Variants in PPP1R14C observed in about 807,000 individuals in gnomAD.
PPP1R14C encodes protein phosphatase 1 regulatory subunit 14C.
Under a neutral mutation model 20.4 loss-of-function variants are expected in PPP1R14C, and 16 were observed. That is an observed-to-expected ratio of 0.78 (90% CI 0.53 to 1.19). The LOEUF (loss-of-function observed/expected upper bound fraction) is 1.19. PPP1R14C is among the 50% of genes most tolerant of loss of function. The pLI is 0.00. For missense variants in PPP1R14C, 211 were observed against 220.1 expected, an observed-to-expected ratio of 0.96 and a Z score of 0.26; for synonymous variants, 91 against 91.0, an observed-to-expected ratio of 1.00 and a Z score of 0.00.
At chr6:150,171,560 C>A (rs1777499298) in intron 1 of PPP1R14C, among the ~76,000 whole-genome samples, 1 of 152,220 alleles carries the variant, frequency 6.6e-6, no homozygotes, top group South Asian at 2.1e-4. Flanking sequence ...CACACAGAAT[C>A]TGTGATTGAC....
Position 150,175,301 on chromosome 6 carries a change from G to T in PPP1R14C, c.306+31803G>T, listed in dbSNP as rs183563162. Among the ~76,000 whole-genome samples the T allele has an allele frequency of 1.4e-4, 22 of 152,260 alleles. No individual in the cohort carries two copies. In the East Asian group the frequency reaches 3.3e-3, roughly 23 times the overall value. ...GTGGAGAAGGTGGTGGAGTTGGAAG[G>T]GGCCCCCACTCTGAGCTGGGTCTCT... is the stretch of plus-strand genomic sequence containing the variant. On this transcript the variant is annotated intron_variant, in intron 1 of 3. Coordinates refer to ENST00000361131, the MANE Select transcript of PPP1R14C (RefSeq NM_030949.3).
At chr6:150,149,377 G>A (rs1777217154) in intron 1 of PPP1R14C, among the ~76,000 whole-genome samples, 1 of 151,432 alleles carries the variant, frequency 6.6e-6, no homozygotes, top group Non-Finnish European at 1.5e-5. Context: ...GCTAGCTAGA[G>A]TGCAGTGGGG....
chr6:150,236,084 T>C (rs6936990), intron 3 of PPP1R14C, among the ~76,000 whole-genome samples: 26,538 of 152,084 alleles, frequency 0.17, 3,061 homozygotes, highest in African/African-American at 0.32. Context: ...CACCCCAGGG[T>C]GGTGATCATC....
At chr6:150,243,286 C>T (rs1778453905) in intron 3 of PPP1R14C, among the ~76,000 whole-genome samples, 1 of 151,774 alleles carries the variant, frequency 6.6e-6, no homozygotes, top group Non-Finnish European at 1.5e-5. Flanking sequence ...AGCAATTCTC[C>T]TGCCTCAGCC....
At chr6:150,154,566 G>A (rs1490893514) in intron 1 of PPP1R14C, among the ~76,000 whole-genome samples, 1 of 152,226 alleles carries the variant, frequency 6.6e-6, no homozygotes, top group African/African-American at 2.4e-5. Flanking sequence ...GTGAAAGTGA[G>A]ATGTATCAAA....
chr6:150,188,454 G>A (rs17079397), intron 1 of PPP1R14C, among the ~76,000 whole-genome samples: 17,907 of 151,022 alleles, frequency 0.12, 1,310 homozygotes, highest in African/African-American at 0.22. Flanking sequence ...AAGATTGATC[G>A]GTGTGGGAAC....
At chr6:150,145,166 A>T (rs183830579) in intron 1 of PPP1R14C, among the ~76,000 whole-genome samples, 38 of 152,340 alleles carry the variant, frequency 2.5e-4, no homozygotes, top group Non-Finnish European at 4.4e-5. Context: ...CAATATATTT[A>T]AAAAATACTT....
At chr6:150,230,745 A>G (rs1338880248) in intron 3 of PPP1R14C, among the ~76,000 whole-genome samples, 1 of 152,180 alleles carries the variant, frequency 6.6e-6, no homozygotes, top group Admixed American at 6.5e-5. Flanking sequence ...ACTGCATAAT[A>G]TCCATTTATC....
At chr6:150,236,402 G>A (rs758786342) in intron 3 of PPP1R14C, among the ~76,000 whole-genome samples, 11 of 152,164 alleles carry the variant, frequency 7.2e-5, no homozygotes, top group Non-Finnish European at 1.5e-4. Context: ...GCATTAAAAA[G>A]GTCCATGCGG....
chr6:150,201,485 C>T lies in PPP1R14C; in HGVS notation c.307-13259C>T, dbSNP rs1171274345. On this transcript the variant is annotated intron_variant, in intron 1 of 3. Transcript: ENST00000361131. The surrounding 1 kb of genome is among the most constrained non-coding windows in gnomAD (Gnocchi z 4.2). The stretch of plus-strand genomic sequence containing the variant: ...CTGGCTGGGGAGTGTCCTGAGGGAT[C>T]GGAGGAGACCAGCGGAGTTAGAGCT... 2.0e-5 allele frequency among the ~76,000 whole-genome samples: 3 copies of T among 152,146 alleles called. No individual in the cohort carries two copies. The highest frequency in any genetic ancestry group is 2.9e-5 in the Non-Finnish European group (2 of 68,004).
chr6:150,197,603 C>T lies in PPP1R14C; in HGVS notation c.307-17141C>T, dbSNP rs186953884. ...GTGGTGGGTATCCAGGTTGCTGTAGCGGGGTGGAGAGAAAGCACCTCCTGT... is the reference window on the plus strand; with the variant it reads ...GTGGTGGGTATCCAGGTTGCTGTAGTGGGGTGGAGAGAAAGCACCTCCTGT... On this transcript the variant is annotated intron_variant, in intron 1 of 3. Coordinates refer to ENST00000361131, the MANE Select transcript of PPP1R14C (RefSeq NM_030949.3). Among the ~76,000 whole-genome samples the T allele has an allele frequency of 5.9e-4, 90 of 152,372 alleles. 1 individual carries two copies. In the South Asian group the frequency reaches 0.017, roughly 28 times the overall value.
At chr6:150,177,483 T>C (rs965781912) in intron 1 of PPP1R14C, among the ~76,000 whole-genome samples, 1 of 152,192 alleles carries the variant, frequency 6.6e-6, no homozygotes, top group Non-Finnish European at 1.5e-5. Context: ...GGGTCATGTG[T>C]AGCACGTTCT....
At chr6:150,168,363 C>G (rs886708155) in intron 1 of PPP1R14C, among the ~76,000 whole-genome samples, 1 of 151,824 alleles carries the variant, frequency 6.6e-6, no homozygotes, top group Non-Finnish European at 1.5e-5. Flanking sequence ...GGTGAAACCC[C>G]GTCTCTACTA....
At chr6:150,144,069 C>T (rs1331416131) in intron 1 of PPP1R14C, among the ~76,000 whole-genome samples, 1 of 152,240 alleles carries the variant, frequency 6.6e-6, no homozygotes, top group Non-Finnish European at 1.5e-5. Context: ...CCAGCCCCGA[C>T]GGTGTCTCCA....
At chr6:150,146,617 C>T (rs1031325098) in intron 1 of PPP1R14C, among the ~76,000 whole-genome samples, 1 of 152,174 alleles carries the variant, frequency 6.6e-6, no homozygotes, top group South Asian at 2.1e-4. Context: ...TCCACTCGCA[C>T]GCCCAGTCTT....
intron 3 of PPP1R14C, among the ~76,000 whole-genome samples, chr6:150,234,827 C>A (rs144256839): frequency 0.043 from 4,807 of 112,546 alleles, 305 homozygotes; most frequent in African/African-American, 0.16. Context: ...CCAACCTGGG[C>A]GACAAAGTGA....
At chr6:150,212,861 G>A (rs557300267) in intron 1 of PPP1R14C, among the ~76,000 whole-genome samples, 6 of 152,296 alleles carry the variant, frequency 3.9e-5, no homozygotes, top group African/African-American at 1.4e-4. Flanking sequence ...TATAGGCTGT[G>A]CTATACAGCC....
At chr6:150,222,716 T>G (rs1307916154) in intron 3 of PPP1R14C, among the ~76,000 whole-genome samples, 1 of 151,634 alleles carries the variant, frequency 6.6e-6, no homozygotes, top group East Asian at 1.9e-4. Context: ...ATAGCCTTTC[T>G]ATTTTCAGAA....
intron 3 of PPP1R14C, among the ~76,000 whole-genome samples, chr6:150,228,776 A>T (rs938640424): frequency 2.0e-5 from 3 of 152,052 alleles, no homozygotes; most frequent in Non-Finnish European, 2.9e-5. Flanking sequence ...TAAATTTTTC[A>T]CTATACACTC....
Sources: gnomAD v4.1 joint callset for allele counts (sites outside exome capture counted in the v4.1 genomes callset) on GRCh38, gnomAD v4.1.1 for gene constraint, Gnocchi (gnomAD v3.1) non-coding constraint, MANE v1.5 for transcripts, NCBI Gene and HGNC (gene_info 2026-07-23, HGNC 2026-07-21) for gene names.